Variants in KCNAB1 observed in about 807,000 individuals in gnomAD.
KCNAB1 encodes voltage-gated potassium channel subunit beta-1.
KCNAB1 carries 35 observed loss-of-function variants against 64.6 expected under a neutral mutation model. That is an observed-to-expected ratio of 0.54 (90% CI 0.41 to 0.72). The LOEUF is 0.72. KCNAB1 is among the 30% of genes least tolerant of loss of function. KCNAB1 has a pLI of 0.00. For missense variants in KCNAB1, 401 were observed against 512.9 expected (o/e 0.78, Z 2.11); for synonymous variants, 177 against 183.8 (o/e 0.96, Z 0.30).
chr3:156,344,856 T>A (rs939548918), intron 1 of KCNAB1, among the ~76,000 whole-genome samples: 3 of 152,160 alleles, frequency 2.0e-5, no homozygotes, highest in African/African-American at 7.2e-5. Context: ...AAATGGAACA[T>A]CAACCTCTTG....
chr3:156,485,994 G>A (rs1276997305), intron 8 of KCNAB1, among the ~76,000 whole-genome samples: 2 of 152,088 alleles, frequency 1.3e-5, no homozygotes. Context: ...GAGGGTTGCT[G>A]CATCCCATTG....
intron 1 of KCNAB1, among the ~76,000 whole-genome samples, chr3:156,220,971 G>A (rs140987174): frequency 0.013 from 1,969 of 152,244 alleles, 16 homozygotes; most frequent in Non-Finnish European, 0.019. Context: ...TATTAAATAG[G>A]GAATCCTTTC....
Position 156,538,329 on chromosome 3 carries a change from A to G in KCNAB1, c.*1582A>G, listed in dbSNP as rs1353436042. On this transcript the variant is annotated 3_prime_UTR_variant, in exon 14 of 14. Transcript: ENST00000490337. ...GATTTTTCTGTCATTAGTTCTAGATATGTACTTCATGGTTAAATTCTAAAT... is the reference window on the plus strand; with the variant it reads ...GATTTTTCTGTCATTAGTTCTAGATGTGTACTTCATGGTTAAATTCTAAAT... 3 of 152,182 alleles carry G rather than the reference A, an allele frequency of 2.0e-5. No homozygotes were observed. The highest frequency in any genetic ancestry group is 1.9e-4 in the East Asian group (1 of 5,202). 9.4% of individuals were successfully genotyped at this position (152,182 alleles called of 1,614,324 possible). A position where few individuals can be genotyped will look rare whatever the true frequency, so the allele number is the denominator to read the frequency against.
chr3:156,509,048 G>A (rs1298900389), intron 8 of KCNAB1, among the ~76,000 whole-genome samples: 3 of 151,902 alleles, frequency 2.0e-5, no homozygotes, highest in Admixed American at 6.6e-5. Flanking sequence ...TTTCCCAGGC[G>A]ATTCTGATTC....
intron 1 of KCNAB1, among the ~76,000 whole-genome samples, chr3:156,201,037 G>A (rs1714298970): frequency 6.6e-6 from 1 of 152,172 alleles, no homozygotes; most frequent in Non-Finnish European, 1.5e-5. Flanking sequence ...AGATAGCACA[G>A]TCTCTCACGG....
chr3:156,467,094 A>G (rs1340334611), intron 7 of KCNAB1, among the ~76,000 whole-genome samples: 1 of 152,128 alleles, frequency 6.6e-6, no homozygotes, highest in Non-Finnish European at 1.5e-5. Context: ...ACATTGCCCT[A>G]CAGTTGGGTA....
rs556670290 is a variant in KCNAB1 at position 156,536,398 on chromosome 3, A to G, written c.1171-260A>G. 138 of 331,892 alleles carry G rather than the reference A, an allele frequency of 4.2e-4. 1 individual carries two copies. The East Asian group carries it at 6.7e-3, about 16-fold the overall frequency. 20.6% of individuals were successfully genotyped at this position (331,892 alleles called of 1,614,324 possible). A position where few individuals can be genotyped will look rare whatever the true frequency, so the allele number is the denominator to read the frequency against. On this transcript the variant is annotated intron_variant, in intron 13 of 13. Coordinates refer to ENST00000490337, the MANE Select transcript of KCNAB1 (RefSeq NM_172160.3). ...TTAAATTACAAATGTGGCTTGCATTATATTTCTGTTGGATAGAGCTGCTCT... is the reference window on the plus strand; with the variant it reads ...TTAAATTACAAATGTGGCTTGCATTGTATTTCTGTTGGATAGAGCTGCTCT...
At chr3:156,360,250 C>T (rs1458847293) in intron 1 of KCNAB1, among the ~76,000 whole-genome samples, 1 of 152,178 alleles carries the variant, frequency 6.6e-6, no homozygotes, top group Non-Finnish European at 1.5e-5. Flanking sequence ...GCTCTAGATA[C>T]GTACATCCAG....
rs148179775 is a variant in KCNAB1, at chr3:156,335,181, G to C, written c.276-86435G>C. On this transcript the variant is annotated intron_variant, in intron 1 of 13. Coordinates refer to ENST00000490337, the MANE Select transcript of KCNAB1 (RefSeq NM_172160.3). ...ACACACTATTAATTTTCCTGTCTCA[G>C]TGACTTTATCCTTGGCATTCCTTCA... is the stretch of plus-strand genomic sequence containing the variant. 2.0e-5 allele frequency among the ~76,000 whole-genome samples: 3 copies of C among 152,170 alleles called. No homozygotes were observed. The East Asian group carries it at 5.8e-4, about 29-fold the overall frequency.
chr3:156,386,514 A>G (rs1291186761), intron 1 of KCNAB1, among the ~76,000 whole-genome samples: 1 of 152,142 alleles, frequency 6.6e-6, no homozygotes, highest in East Asian at 1.9e-4. Flanking sequence ...ACAGGTGTGG[A>G]CCATCAGGAA....
chr3:156,347,880 A>G (rs1724585575), intron 1 of KCNAB1, among the ~76,000 whole-genome samples: 1 of 152,202 alleles, frequency 6.6e-6, no homozygotes, highest in Non-Finnish European at 1.5e-5. Context: ...GGCAAAATCA[A>G]TGAAACCAGA....
chr3:156,209,881 C>T (rs537219022), intron 1 of KCNAB1, among the ~76,000 whole-genome samples: 7 of 152,288 alleles, frequency 4.6e-5, no homozygotes, highest in Non-Finnish European at 8.8e-5. Flanking sequence ...GGAGCAGTGA[C>T]GGAAATCAAA....
chr3:156,383,648 G>A (rs1037199660), intron 1 of KCNAB1, among the ~76,000 whole-genome samples: 1 of 152,144 alleles, frequency 6.6e-6, no homozygotes, highest in Non-Finnish European at 1.5e-5. Flanking sequence ...ACTTGGCAAA[G>A]TTAGGTTTCA....
chr3:156,124,733 T>C (rs143553819), intron 1 of KCNAB1, among the ~76,000 whole-genome samples: 23 of 152,312 alleles, frequency 1.5e-4, no homozygotes, highest in African/African-American at 5.5e-4. Context: ...ACACAATGTT[T>C]ATATGGAATC....
chr3:156,440,127 T>C (rs1372087237), intron 2 of KCNAB1, among the ~76,000 whole-genome samples: 2 of 152,220 alleles, frequency 1.3e-5, no homozygotes, highest in Admixed American at 6.5e-5. Flanking sequence ...CTATGCCAGG[T>C]TTTGTATAGT....
At chr3:156,354,146 G>GTATATATATA (rs1214791537) in intron 1 of KCNAB1, among the ~76,000 whole-genome samples, 1 of 121,170 alleles carries the variant, frequency 8.3e-6, no homozygotes. Context: ...ATATATATGT[G>GTATATATATA]TATATATATA....
chr3:156,372,532 G>C (rs569632352), intron 1 of KCNAB1, among the ~76,000 whole-genome samples: 206 of 152,322 alleles, frequency 1.4e-3, no homozygotes, highest in African/African-American at 4.7e-3. Flanking sequence ...CAAGCTCCCA[G>C]GTAATACTGA....
chr3:156,193,803 G>A (rs1430400453), intron 1 of KCNAB1, among the ~76,000 whole-genome samples: 5 of 152,116 alleles, frequency 3.3e-5, no homozygotes, highest in Non-Finnish European at 7.4e-5. Flanking sequence ...TGAGATTTGG[G>A]TGGGGACACA....
chr3:156,344,484 A>G (rs1724346065), intron 1 of KCNAB1, among the ~76,000 whole-genome samples: 2 of 152,172 alleles, frequency 1.3e-5, no homozygotes, highest in South Asian at 4.1e-4. Flanking sequence ...TGAATCTACA[A>G]TCTGCTCAGC....
Sources: allele counts gnomAD v4.1 joint callset (sites outside exome capture counted in the v4.1 genomes callset), GRCh38; gene constraint gnomAD v4.1.1; transcripts MANE v1.5; gene names NCBI Gene and HGNC (gene_info 2026-07-23, HGNC 2026-07-21).